The following CNGB3 variants were observed in gnomAD, a reference collection of about 807,000 sequenced individuals.
The protein encoded by CNGB3 is cyclic nucleotide-gated channel beta-3.
In CNGB3, 86 loss-of-function variants were observed where a neutral mutation model predicts 92.8. The ratio of observed to expected loss-of-function variants is 0.93; its 90% CI spans 0.78 to 1.11. The LOEUF is 1.11. Ranked by LOEUF, CNGB3 falls within the 50% of genes least tolerant of loss-of-function variation. The probability of loss-of-function intolerance (pLI) is 0.00; values close to 1 mark genes in which losing one functional copy is unlikely to be tolerated. For missense variants in CNGB3, 1,026 were observed against 956.8 expected (o/e 1.07, Z -0.95); for synonymous variants, 333 against 332.7 (o/e 1.00, Z -0.01).
At chr8:86,733,786 G>T (rs1825199177) in intron 2 of CNGB3, among the ~76,000 whole-genome samples, 1 of 152,148 alleles carries the variant, frequency 6.6e-6, no homozygotes, top group South Asian at 2.1e-4. Flanking sequence ...TATGCTAATT[G>T]TTACTGCCAA....
chr8:86,738,362 G>A (rs566930826), intron 2 of CNGB3, among the ~76,000 whole-genome samples: 1 of 152,258 alleles, frequency 6.6e-6, no homozygotes, highest in Non-Finnish European at 1.5e-5. Context: ...AGCTTCTTGA[G>A]CAAAGGTTGA....
chr8:86,627,513 C>T (rs1051789889), intron 12 of CNGB3, among the ~76,000 whole-genome samples: 2 of 152,088 alleles, frequency 1.3e-5, no homozygotes, highest in Non-Finnish European at 2.9e-5. Context: ...CTCTTAGGAA[C>T]CTTTGTGATT....
intron 2 of CNGB3, among the ~76,000 whole-genome samples, chr8:86,728,410 A>G (rs1399306426): frequency 6.6e-6 from 1 of 152,186 alleles, no homozygotes; most frequent in Non-Finnish European, 1.5e-5. Flanking sequence ...TGATAAAAAA[A>G]GAGAGAAGGA....
At chr8:86,694,224 GC>G (rs1192443705) in intron 3 of CNGB3, among the ~76,000 whole-genome samples, 4 of 141,738 alleles carry the variant, frequency 2.8e-5, no homozygotes, top group East Asian at 4.5e-4. Flanking sequence ...CGGGCGGGGG[GC>G]TGACCCCCCC....
At chr8:86,677,456 G>A (rs961935667) in intron 3 of CNGB3, among the ~76,000 whole-genome samples, 6 of 152,160 alleles carry the variant, frequency 3.9e-5, no homozygotes, top group Non-Finnish European at 8.8e-5. Flanking sequence ...TCTGGAAATC[G>A]GAAGGGAGGA....
intron 3 of CNGB3, among the ~76,000 whole-genome samples, chr8:86,723,139 G>A (rs1037154358): frequency 1.3e-5 from 2 of 151,916 alleles, no homozygotes; most frequent in Non-Finnish European, 2.9e-5. Context: ...ATATCAAACT[G>A]TACTTCTTAC....
rs761282523 is a variant in CNGB3, at chr8:86,643,758, C to T, written c.1171G>A (p.Gly391Arg). The change falls in exon 10 of 18, where the codon GGA (glycine) becomes AGA (arginine). Residue 391 changes from glycine to arginine, a missense_variant. Physicochemically the swap from Gly to Arg is moderately radical, Grantham distance 125 (BLOSUM62 -2). Transcript: ENST00000320005. The part of the protein sequence containing the change: ...GTTRWVYDGE[G>R]NEYLRCYYWA... Reference sequence around the variant, plus strand: ...TTCAAAATCAGAACTTACTCGTTTCCTTCCCCATCATACACCCATCTAGTA... The same window carrying T: ...TTCAAAATCAGAACTTACTCGTTTCTTTCCCCATCATACACCCATCTAGTA... 6.2e-7 allele frequency: 1 copy of T among 1,605,128 alleles called. No individual in the cohort carries two copies. Among genetic ancestry groups the T allele is most frequent in the South Asian group, 1.1e-5 (1 of 90,778 alleles).
chr8:86,615,420 T>C (rs1156920464), intron 13 of CNGB3, among the ~76,000 whole-genome samples: 2 of 151,940 alleles, frequency 1.3e-5, no homozygotes, highest in Non-Finnish European at 2.9e-5. Context: ...TTGGCCAACA[T>C]GGCAAAACCC....
At chr8:86,645,270 T>G (rs1223656775) in intron 8 of CNGB3, among the ~76,000 whole-genome samples, 1 of 151,312 alleles carries the variant, frequency 6.6e-6, no homozygotes, top group Non-Finnish European at 1.5e-5. Flanking sequence ...TTTTCTTGCT[T>G]GCTTCTACTT....
Position 86,611,919 on chromosome 8 carries a change from C to T in CNGB3, c.1579-248G>A, listed in dbSNP as rs116439800. On this transcript the variant is annotated intron_variant, in intron 13 of 17. Coordinates refer to ENST00000320005, the MANE Select transcript of CNGB3 (RefSeq NM_019098.5). ...ATCCTGTCTCTACTACATATTGCTA[C>T]GTAACCTCTCATCCTCAGTTTCCTA... 4.8e-3 allele frequency among the ~76,000 whole-genome samples: 730 copies of T among 152,142 alleles called. 8 individuals are homozygous for T. The highest frequency in any genetic ancestry group is 0.017 in the African/African-American group (692 of 41,530).
intron 3 of CNGB3, among the ~76,000 whole-genome samples, chr8:86,717,796 G>A (rs190684430): frequency 4.3e-4 from 65 of 152,136 alleles, no homozygotes; most frequent in Middle Eastern, 3.4e-3. Context: ...TAGGAAAATC[G>A]AAATTATATT....
chr8:86,627,927 T>A (rs528549987), intron 12 of CNGB3, among the ~76,000 whole-genome samples: 1 of 152,356 alleles, frequency 6.6e-6, no homozygotes, highest in East Asian at 1.9e-4. Flanking sequence ...CTCCTCAGCC[T>A]ACTCGACAGT....
intron 15 of CNGB3, among the ~76,000 whole-genome samples, chr8:86,585,425 A>G (rs776202845): frequency 1.6e-4 from 25 of 152,134 alleles, no homozygotes; most frequent in Non-Finnish European, 3.4e-4. Context: ...TAGATTACAC[A>G]TTGCATACAA....
chr8:86,576,470 G>C (rs569326363), intron 17 of CNGB3, among the ~76,000 whole-genome samples: 1 of 152,248 alleles, frequency 6.6e-6, no homozygotes, highest in African/African-American at 2.4e-5. Context: ...TTATTCTGTA[G>C]AGATAAAATT....
intron 12 of CNGB3, among the ~76,000 whole-genome samples, chr8:86,627,515 T>G (rs1322869048): frequency 2.0e-5 from 3 of 152,174 alleles, no homozygotes. Context: ...CTTAGGAACC[T>G]TTGTGATTTG....
chr8:86,719,537 A>C (rs1196406480), intron 3 of CNGB3, among the ~76,000 whole-genome samples: 1 of 151,654 alleles, frequency 6.6e-6, no homozygotes, highest in Non-Finnish European at 1.5e-5. Flanking sequence ...ACAAACATGG[A>C]AACAAATCCC....
At chr8:86,605,935 A>G (rs1822403226) in intron 14 of CNGB3, among the ~76,000 whole-genome samples, 2 of 152,146 alleles carry the variant, frequency 1.3e-5, no homozygotes, top group Non-Finnish European at 2.9e-5. Context: ...CATTACTCTT[A>G]TAAGGAAGGT....
intron 3 of CNGB3, among the ~76,000 whole-genome samples, chr8:86,672,808 T>C (rs1823886073): frequency 1.3e-5 from 2 of 152,214 alleles, no homozygotes; most frequent in South Asian, 4.1e-4. Context: ...CATGGTACAA[T>C]TTATACTTCT....
At chr8:86,737,824 G>A (rs13270456) in intron 2 of CNGB3, among the ~76,000 whole-genome samples, 31,554 of 152,108 alleles carry the variant, frequency 0.21, 3,669 homozygotes, top group South Asian at 0.31. Flanking sequence ...GAGAACATGC[G>A]GTATTTGGTT....
Sources: allele counts gnomAD v4.1 joint callset (sites outside exome capture counted in the v4.1 genomes callset), GRCh38; gene constraint gnomAD v4.1.1; transcripts MANE v1.5; gene names NCBI Gene and HGNC (gene_info 2026-07-23, HGNC 2026-07-21).